Variants in GLT1D1 observed in about 807,000 individuals in gnomAD.
The protein encoded by GLT1D1 is glycosyltransferase 1 domain containing 1.
In GLT1D1, 21 loss-of-function variants were observed where a neutral mutation model predicts 28.7. That is an observed-to-expected ratio of 0.73 (90% CI 0.52 to 1.05). The LOEUF is 1.05. Among genes scored for constraint, GLT1D1 ranks in the 50% least tolerant of loss-of-function variants. GLT1D1 has a pLI of 0.00. For synonymous variants in GLT1D1, 147 were observed against 124.8 expected, an observed-to-expected ratio of 1.18 and a Z score of -1.19; for missense variants, 343 against 330.6, an observed-to-expected ratio of 1.04 and a Z score of -0.29.
intron 7 of GLT1D1, among the ~76,000 whole-genome samples, chr12:128,979,765 A>T (rs1329419248): frequency 6.6e-6 from 1 of 150,800 alleles, no homozygotes; most frequent in Non-Finnish European, 1.5e-5. Context: ...AAAAAAAAAG[A>T]TGAGAAAATG....
chr12:128,863,226 T>TTGGGG (rs1956423190), intron 1 of GLT1D1, among the ~76,000 whole-genome samples: 1 of 152,148 alleles, frequency 6.6e-6, no homozygotes, highest in African/African-American at 2.4e-5. Flanking sequence ...CGAACACCGA[T>TTGGGG]AGACTGCTTG....
At chr12:128,895,404 G>C (rs1250618328) in intron 3 of GLT1D1, among the ~76,000 whole-genome samples, 3 of 151,884 alleles carry the variant, frequency 2.0e-5, no homozygotes, top group Non-Finnish European at 4.4e-5. Flanking sequence ...GTAGGTAGAA[G>C]TCTGGGCAAG....
intron 4 of GLT1D1, among the ~76,000 whole-genome samples, chr12:128,902,343 C>T (rs1199185440): frequency 6.6e-6 from 1 of 151,098 alleles, no homozygotes; most frequent in Non-Finnish European, 1.5e-5. Flanking sequence ...ATTAGCCAGG[C>T]ATGGTGGTGC....
chr12:128,972,813 A>G (rs1879316090), intron 7 of GLT1D1, among the ~76,000 whole-genome samples: 1 of 152,186 alleles, frequency 6.6e-6, no homozygotes, highest in African/African-American at 2.4e-5. Context: ...TAAAGATTGT[A>G]TACATGTATG....
In GLT1D1 at chr12:128,875,980, T is replaced by C. The variant is rs758971476; in HGVS notation, c.135T>C (p.Ser45=). The stretch of plus-strand genomic sequence containing the variant: ...ATGCCTTTGACTTTGAAAGCCGATC[T>C]GAGATTGCAAACCTCATCTTGGCTG... Residue 45 remains serine, a synonymous_variant, in exon 2 of 8, where the codon TCT becomes TCC. Transcript: ENST00000281703. 3 of 1,613,896 alleles carry C rather than the reference T, an allele frequency of 1.9e-6. No individual in the cohort carries two copies. The African/African-American group carries it at 4.0e-5, about 22-fold the overall frequency.
At chr12:128,900,892 T>C (rs1348817608) in intron 4 of GLT1D1, among the ~76,000 whole-genome samples, 1 of 152,090 alleles carries the variant, frequency 6.6e-6, no homozygotes, top group Non-Finnish European at 1.5e-5. Context: ...CACCTCAGCC[T>C]CCCAAAGTGT....
intron 3 of GLT1D1, among the ~76,000 whole-genome samples, chr12:128,893,648 C>T (rs1431965174): frequency 6.6e-6 from 1 of 152,046 alleles, no homozygotes; most frequent in African/African-American, 2.4e-5. Flanking sequence ...TGCAGTGGTG[C>T]AGTCTGAGCT....
chr12:128,884,829 A>G (rs1022116690), intron 2 of GLT1D1, among the ~76,000 whole-genome samples: 3 of 152,134 alleles, frequency 2.0e-5, no homozygotes, highest in Admixed American at 6.5e-5. Context: ...ATAGAAAAAA[A>G]AATTGCTAAG....
intron 1 of GLT1D1, among the ~76,000 whole-genome samples, chr12:128,869,010 T>C (rs1379133620): frequency 6.6e-6 from 1 of 151,666 alleles, no homozygotes; most frequent in Non-Finnish European, 1.5e-5. Flanking sequence ...GCTGGGATTA[T>C]AGGCATGCAC....
At chr12:128,952,280 AG>A (rs1282121067) in intron 6 of GLT1D1, among the ~76,000 whole-genome samples, 1 of 151,774 alleles carries the variant, frequency 6.6e-6, no homozygotes, top group African/African-American at 2.4e-5. Flanking sequence ...GGATGTGCTC[AG>A]GGAGGCTCCA....
At position 128,910,264 on chromosome 12, in the gene GLT1D1, C is replaced by CTTT. The variant is rs11361008; in HGVS notation, c.375+10996_375+10998dup. Reference sequence around the variant, plus strand: ...ACAGAGCTGAGATACAAGTTTAACTCTTTTTTTTTTTTTTTTTTTTTGGTG... The same window carrying CTTT: ...ACAGAGCTGAGATACAAGTTTAACTCTTTTTTTTTTTTTTTTTTTTTTTTGGTG... On this transcript the variant is annotated intron_variant, in intron 4 of 7. Coordinates refer to ENST00000281703, the MANE Select transcript of GLT1D1 (RefSeq NM_144669.3). 3.2e-3 allele frequency among the ~76,000 whole-genome samples: 364 copies of CTTT among 114,224 alleles called. 1 individual carries two copies. Among genetic ancestry groups the CTTT allele is most frequent in the African/African-American group, 0.01 (316 of 30,572 alleles). 74.9% of individuals were successfully genotyped at this position (114,224 alleles called of 152,430 possible). A position where few individuals can be genotyped will look rare whatever the true frequency, so the allele number is the denominator to read the frequency against.
At chr12:128,952,773 CTTTTTTTTTTT>C (rs71072430) in intron 6 of GLT1D1, among the ~76,000 whole-genome samples, 1 of 58,936 alleles carries the variant, frequency 1.7e-5, no homozygotes, top group Non-Finnish European at 2.7e-5. Flanking sequence ...CCGTGACTGG[CTTTTTTTTTTT>C]TTTTTTTTTT....
intron 6 of GLT1D1, among the ~76,000 whole-genome samples, chr12:128,955,605 C>A (rs916413605): frequency 2.6e-5 from 4 of 151,980 alleles, no homozygotes; most frequent in Non-Finnish European, 5.9e-5. Flanking sequence ...AACCCAGCTC[C>A]CCATAGCTCT....
chr12:128,887,741 G>A (rs919753720), intron 2 of GLT1D1, among the ~76,000 whole-genome samples: 23 of 152,228 alleles, frequency 1.5e-4, no homozygotes, highest in African/African-American at 5.3e-4. Flanking sequence ...CAATTCAAAG[G>A]CCAGTAAAAG....
chr12:128,880,207 A>G (rs35548651), intron 2 of GLT1D1, among the ~76,000 whole-genome samples: 2,907 of 152,270 alleles, frequency 0.019, 45 homozygotes, highest in Middle Eastern at 0.041. Flanking sequence ...ACAGTTCTCA[A>G]TTTTACCATG....
At chr12:128,939,841 C>CA (rs1050848111) in intron 4 of GLT1D1, among the ~76,000 whole-genome samples, 1 of 143,952 alleles carries the variant, frequency 6.9e-6, no homozygotes, top group African/African-American at 2.7e-5. Flanking sequence ...TTAGAAACCC[C>CA]CCCCCACCGC....
chr12:128,860,189 G>A (rs1326477958), intron 1 of GLT1D1, among the ~76,000 whole-genome samples: 1 of 152,230 alleles, frequency 6.6e-6, no homozygotes, highest in African/African-American at 2.4e-5. Flanking sequence ...AGGCTGGCGC[G>A]GTGGCTCACG....
At position 128,859,448 on chromosome 12, in the gene GLT1D1, G is replaced by A. The variant is rs139888782; in HGVS notation, c.68+5799G>A. Among the ~76,000 whole-genome samples the A allele has an allele frequency of 3.4e-3, 520 of 152,310 alleles. 6 individuals are homozygous for A. The highest frequency in any genetic ancestry group is 0.011 in the African/African-American group (478 of 41,576). The stretch of plus-strand genomic sequence containing the variant: ...AGCCATTTTGCCCCCAGGGCCGTTG[G>A]GCAAGGTCTGGAGACATACTTCGCT... On this transcript the variant is annotated intron_variant, in intron 1 of 7. Transcript: ENST00000281703.
chr12:128,973,856 G>A (rs899381330), intron 7 of GLT1D1, among the ~76,000 whole-genome samples: 2 of 151,456 alleles, frequency 1.3e-5, no homozygotes, highest in Non-Finnish European at 2.9e-5. Flanking sequence ...TAGCTTCATC[G>A]GTGGCTCCCA....
Sources: gnomAD v4.1 joint callset for allele counts (sites outside exome capture counted in the v4.1 genomes callset) on GRCh38, gnomAD v4.1.1 for gene constraint, MANE v1.5 for transcripts, NCBI Gene and HGNC (gene_info 2026-07-23, HGNC 2026-07-21) for gene names.